The following PADI1 variants were observed in gnomAD, a reference collection of about 807,000 sequenced individuals.
PADI1 encodes peptidyl arginine deiminase 1.
PADI1 carries 65 observed loss-of-function variants against 74.8 expected under a neutral mutation model. That is an observed-to-expected ratio of 0.87 (90% CI 0.71 to 1.07). The LOEUF is 1.07. Among genes scored for constraint, PADI1 ranks in the 50% least tolerant of loss-of-function variants. The pLI is 0.00. For synonymous variants in PADI1, 371 were observed against 336.2 expected, an observed-to-expected ratio of 1.10 and a Z score of -1.13; for missense variants, 943 against 854.0, an observed-to-expected ratio of 1.10 and a Z score of -1.30.
chr1:17,237,159 T>G (rs2072662974), intron 11 of PADI1, among the ~76,000 whole-genome samples, 155 bp from the exon 12 acceptor site: 1 of 152,244 alleles, frequency 6.6e-6, no homozygotes, highest in Admixed American at 6.5e-5. Flanking sequence ...GCACAGTCCA[T>G]TCTCTGCTGT....
In PADI1 at chr1:17,223,622, T is replaced by C. The variant is rs750072434; in HGVS notation, c.275T>C (p.Val92Ala). 1.2e-6 allele frequency: 2 copies of C among 1,613,682 alleles called. No homozygotes were observed. Among genetic ancestry groups the C allele is most frequent in the Admixed American group, 3.3e-5 (2 of 60,020 alleles). The stretch of plus-strand genomic sequence containing the variant: ...CAGGCTTAGGGCTATGTTCTGCAGG[T>C]GAGGGTCTCCTACTTTGGGGAGCAG... ...TASKELKDFK[V>A]RVSYFGEQED... is the part of the protein sequence containing the mutation. Residue 92 changes from valine (V) to alanine (A), a missense_variant and splice_region_variant, in exon 3 of 16, where the codon GTG (valine) becomes GCG (alanine). Coordinates refer to ENST00000375471, the MANE Select transcript of PADI1 (RefSeq NM_013358.3).
Position 17,230,135 on chromosome 1 carries a change from A to T in PADI1, c.980A>T (p.Tyr327Phe), listed in dbSNP as rs1222879151. Residue 327 changes from tyrosine (Y) to phenylalanine (F), a missense_variant, in exon 9 of 16, where the codon TAT becomes TTT. Transcript: ENST00000375471. ...GAGAAATTCCTGGAGGACATGTCTT[A>T]TCTGACATTGAAAGCCAACTGCAAG... is the stretch of plus-strand genomic sequence containing the variant. ...SNEKFLEDMS[Y>F]LTLKANCKLT... 5.6e-6 allele frequency: 9 copies of T among 1,614,048 alleles called. No homozygotes were observed. The highest frequency in any genetic ancestry group is 7.6e-6 in the Non-Finnish European group (9 of 1,179,896).
chr1:17,244,046 C>G lies in PADI1; in HGVS notation c.1795C>G (p.Pro599Ala). ...GGTCTTAGGCAAGTACCTGGGCATC[C>G]CCAAGCCCTACGGGCCCATCATCAA... ...MVVLGKYLGI[P>A]KPYGPIINGR... Residue 599 changes from proline to alanine, a missense_variant, in exon 16 of 16, where the codon CCC (proline) becomes GCC (alanine). By Grantham distance (27) the Pro-to-Ala change is conservative. Coordinates refer to ENST00000375471, the MANE Select transcript of PADI1 (RefSeq NM_013358.3). 1 of 1,614,122 alleles carries G rather than the reference C, an allele frequency of 6.2e-7. No homozygotes were observed. The highest frequency in any genetic ancestry group is 1.7e-5 in the Admixed American group (1 of 60,022).
At chr1:17,206,685 T>TTC (rs1557443965) in intron 1 of PADI1, among the ~76,000 whole-genome samples, 1 of 103,898 alleles carries the variant, frequency 9.6e-6, no homozygotes, top group African/African-American at 3.8e-5. Context: ...TTCTTTTTCT[T>TTC]TTTTTTTTTT....
In PADI1 at chr1:17,224,367, A is replaced by G. The variant is rs750889937; in HGVS notation, c.347A>G (p.Asp116Gly). 6.8e-6 allele frequency: 11 copies of G among 1,613,632 alleles called. No individual in the cohort carries two copies. The highest frequency in any genetic ancestry group is 9.3e-6 in the Non-Finnish European group (11 of 1,179,768). The change falls in exon 4 of 16, where the codon GAT becomes GGT. Residue 116 changes from aspartate (D) to glycine (G), a missense_variant and splice_region_variant. Transcript: ENST00000375471. The stretch of plus-strand genomic sequence containing the variant: ...GCAGCCCCTCTCCATCTCTTTGCAG[A>G]TATTTCCCTTGAGGTTGACACAGGC... ...GRSVLYLTGV[D>G]ISLEVDTGRT...
intron 4 of PADI1, among the ~76,000 whole-genome samples, chr1:17,224,704 C>T (rs2072260439): frequency 6.6e-6 from 1 of 152,136 alleles, no homozygotes; most frequent in Non-Finnish European, 1.5e-5. Context: ...TTTGTTGCTG[C>T]CTTTTTTATT....
At chr1:17,206,694 T>C (rs1430533696) in intron 1 of PADI1, among the ~76,000 whole-genome samples, 1 of 144,504 alleles carries the variant, frequency 6.9e-6, no homozygotes, top group Non-Finnish European at 1.5e-5. Flanking sequence ...TTTTTTTTTT[T>C]TTTTTTTTTT....
At chr1:17,226,293 C>T in intron 6 of PADI1, 135 bp downstream of exon 6, 1 of 923,500 alleles carries the variant, frequency 1.1e-6, no homozygotes. Flanking sequence ...CCATCAGTAC[C>T]AAATATAGTC....
Position 17,225,868 on chromosome 1 carries a change from C to G in PADI1, c.466C>G (p.Arg156Gly), listed in dbSNP as rs763031946. The change falls in exon 5 of 16, where the codon CGG (arginine) becomes GGG (glycine). Residue 156 changes from arginine to glycine, a missense_variant. Physicochemically the swap from Arg to Gly is moderately radical, Grantham distance 125 (BLOSUM62 -2). Transcript: ENST00000375471. Reference sequence around the variant, plus strand: ...GGCTATCTTGCTGGTGAACTGTGACCGGGACAATCACAGGTCCGCAGAGCC... The same window carrying G: ...GGCTATCTTGCTGGTGAACTGTGACGGGGACAATCACAGGTCCGCAGAGCC... Reference protein sequence around the residue: ...YGAILLVNCDRDNHRSAEPDL... With the variant: ...YGAILLVNCDGDNHRSAEPDL... 2 of 1,614,054 alleles carry G rather than the reference C, an allele frequency of 1.2e-6. No homozygotes were observed. The highest frequency in any genetic ancestry group is 1.3e-5 in the African/African-American group (1 of 75,020).
chr1:17,238,779 T>G (rs1231478056), intron 13 of PADI1, 70 bp downstream of exon 13: 2 of 717,790 alleles, frequency 2.8e-6, no homozygotes, highest in Admixed American at 7.4e-5. Flanking sequence ...GTACAGCCCC[T>G]GCACCTGCAG....
In PADI1 at chr1:17,239,649, A is replaced by C. The variant is rs1341015038; in HGVS notation, c.1553-55A>C. 3 of 1,328,782 alleles carry C rather than the reference A, an allele frequency of 2.3e-6. No homozygotes were observed. The African/African-American group carries it at 4.3e-5, about 19-fold the overall frequency. 82.3% of individuals were successfully genotyped at this position (1,328,782 alleles called of 1,614,324 possible). A position where few individuals can be genotyped will look rare whatever the true frequency, so the allele number is the denominator to read the frequency against. Reference sequence around the variant, plus strand: ...CCTGGATTATGTAGCCCCAGGCTGAAGACGGCCTCCAGGCAGTGCTCCCTG... The same window carrying C: ...CCTGGATTATGTAGCCCCAGGCTGACGACGGCCTCCAGGCAGTGCTCCCTG... On this transcript the variant is annotated intron_variant, in intron 13 of 15. Transcript: ENST00000375471.
At chr1:17,221,095 C>A (rs61770177) in intron 1 of PADI1, among the ~76,000 whole-genome samples, 1 of 152,246 alleles carries the variant, frequency 6.6e-6, no homozygotes, top group East Asian at 1.9e-4. Context: ...CAGGTGAATG[C>A]GGTGTATTGG....
chr1:17,216,882 A>G (rs1477424386), intron 1 of PADI1, among the ~76,000 whole-genome samples: 2 of 152,100 alleles, frequency 1.3e-5, no homozygotes, highest in Non-Finnish European at 1.5e-5. Context: ...AAAATAAAAA[A>G]TAAATAAAAT....
chr1:17,232,859 C>T lies in PADI1; in HGVS notation c.1202C>T (p.Pro401Leu), dbSNP rs376813212. ...TATGTTACCCGGGAGATCCCGCTCC[C>T]TGGTCCCTCCAGCCTTGACTCCTTC... The part of the protein sequence containing the change: ...FGYVTREIPL[P>L]GPSSLDSFGN... The change falls in exon 11 of 16, where the codon CCT becomes CTT. Residue 401 changes from proline to leucine, a missense_variant. By Grantham distance (98) the Pro-to-Leu change is moderately conservative (BLOSUM62 -3). Transcript: ENST00000375471. The T allele has an allele frequency of 6.2e-7, 1 of 1,613,552 alleles. No individual in the cohort carries two copies.
rs770939485 is a variant in PADI1, at chr1:17,226,070, T to A, written c.564T>A (p.Asn188Lys). Residue 188 changes from asparagine (N) to lysine (K), a missense_variant, in exon 6 of 16, where the codon AAT becomes AAA. Asn to Lys is a moderately conservative substitution (Grantham distance 94). Transcript: ENST00000375471. Reference sequence around the variant, plus strand: ...TGTCCCCAATGCTGCTGAGCTGCAATGGCCCCGACAAGCTCTTCGACAGCC... The same window carrying A: ...TGTCCCCAATGCTGCTGAGCTGCAAAGGCCCCGACAAGCTCTTCGACAGCC... ...QDMSPMLLSC[N>K]GPDKLFDSHK... 6.2e-7 allele frequency: 1 copy of A among 1,614,184 alleles called. No individual in the cohort carries two copies. The highest frequency in any genetic ancestry group is 1.7e-5 in the Admixed American group (1 of 60,022).
At chr1:17,228,863 AGGGCT>A in intron 7 of PADI1, 66 bp downstream of exon 7, 3 of 1,517,546 alleles carry the variant, frequency 2.0e-6, no homozygotes, top group Non-Finnish European at 2.7e-6. Flanking sequence ...TGCAGGCTCC[AGGGCT>A]GGGCAGGCTG....
At chr1:17,235,145 A>G (rs1011204297) in intron 11 of PADI1, among the ~76,000 whole-genome samples, 2 of 138,442 alleles carry the variant, frequency 1.4e-5, no homozygotes, top group South Asian at 5.3e-4. Context: ...GGAAAGAAGG[A>G]AGGGAGGGAG....
intron 1 of PADI1, among the ~76,000 whole-genome samples, chr1:17,206,892 G>C (rs1279379112): frequency 6.6e-6 from 1 of 151,972 alleles, no homozygotes; most frequent in Non-Finnish European, 1.5e-5. Flanking sequence ...TGTTGGTCAG[G>C]CTGGTCTCAA....
chr1:17,231,162 T>A (rs3003408), intron 10 of PADI1, among the ~76,000 whole-genome samples: 1 of 151,912 alleles, frequency 6.6e-6, no homozygotes, highest in African/African-American at 2.4e-5. Flanking sequence ...CCACCGTTAC[T>A]TATTGAGTTC....
Sources: allele counts gnomAD v4.1 joint callset (sites outside exome capture counted in the v4.1 genomes callset), GRCh38; gene constraint gnomAD v4.1.1; transcripts MANE v1.5; gene names NCBI Gene and HGNC (gene_info 2026-07-23, HGNC 2026-07-21).